The following ATP6V1H variants were observed in gnomAD, a reference collection of about 807,000 sequenced individuals.
ATP6V1H encodes V-type proton ATPase subunit H.
ATP6V1H carries 39 observed loss-of-function variants against 71.7 expected under a neutral mutation model. The observed-to-expected ratio is 0.54, with a 90% CI of 0.42 to 0.71. The LOEUF is 0.71. Ranked by LOEUF, ATP6V1H falls within the 30% of genes least tolerant of loss-of-function variation. The probability of loss-of-function intolerance (pLI) is 0.00; values close to 1 mark genes in which losing one functional copy is unlikely to be tolerated. For missense variants in ATP6V1H, 509 were observed against 594.9 expected, an observed-to-expected ratio of 0.86 and a Z score of 1.50; for synonymous variants, 192 against 199.3, an observed-to-expected ratio of 0.96 and a Z score of 0.31.
chr8:53,737,525 C>G (rs138293834), intron 13 of ATP6V1H, among the ~76,000 whole-genome samples: 635 of 152,270 alleles, frequency 4.2e-3, no homozygotes, highest in South Asian at 8.5e-3. Flanking sequence ...AATGCCTAAC[C>G]CTTAAGGAAA....
At chr8:53,774,310 G>C (rs1808785926) in intron 9 of ATP6V1H, among the ~76,000 whole-genome samples, 1 of 152,186 alleles carries the variant, frequency 6.6e-6, no homozygotes, top group Non-Finnish European at 1.5e-5. Flanking sequence ...AAGAACCAAA[G>C]TGACCCTGGT....
chr8:53,774,173 T>C (rs1808779864), intron 9 of ATP6V1H, among the ~76,000 whole-genome samples: 1 of 152,216 alleles, frequency 6.6e-6, no homozygotes. Flanking sequence ...ACACAAGATG[T>C]CCAGTGAACA....
intron 13 of ATP6V1H, among the ~76,000 whole-genome samples, chr8:53,717,004 C>T (rs1405191578): frequency 6.6e-6 from 1 of 152,162 alleles, no homozygotes; most frequent in Non-Finnish European, 1.5e-5. Context: ...CATGGGGGCT[C>T]TAGGAGGCAC....
At chr8:53,802,359 A>G (rs1361581995) in intron 7 of ATP6V1H, among the ~76,000 whole-genome samples, 1 of 152,224 alleles carries the variant, frequency 6.6e-6, no homozygotes, top group Non-Finnish European at 1.5e-5. Flanking sequence ...AACTTTTTCA[A>G]TATGAAATTT....
At chr8:53,831,311 T>C (rs1030956575) in intron 3 of ATP6V1H, among the ~76,000 whole-genome samples, 1 of 152,270 alleles carries the variant, frequency 6.6e-6, no homozygotes, top group South Asian at 2.1e-4. Context: ...ACCTGTACAG[T>C]CTGTAACTAT....
chr8:53,821,386 AAAG>A (rs1810650108), intron 4 of ATP6V1H, among the ~76,000 whole-genome samples: 1 of 151,490 alleles, frequency 6.6e-6, no homozygotes, highest in African/African-American at 2.4e-5. Context: ...AAAAAAAAAA[AAAG>A]AGAGAGAGAG....
At chr8:53,728,255 C>A (rs1806887239) in intron 13 of ATP6V1H, among the ~76,000 whole-genome samples, 1 of 152,202 alleles carries the variant, frequency 6.6e-6, no homozygotes, top group Non-Finnish European at 1.5e-5. Context: ...ACCCCTTCAG[C>A]CTCCATCCTC....
At chr8:53,722,011 T>TC (rs1393555112) in intron 13 of ATP6V1H, among the ~76,000 whole-genome samples, 1 of 152,232 alleles carries the variant, frequency 6.6e-6, no homozygotes, top group Non-Finnish European at 1.5e-5. Context: ...AGAAATTGCG[T>TC]TAAAGAGTGT....
chr8:53,795,768 A>G lies in ATP6V1H; in HGVS notation c.749T>C (p.Leu250Pro), dbSNP rs776956015. The change falls in exon 9 of 14, where the codon CTG becomes CCG. Residue 250 changes from leucine (L) to proline (P), a missense_variant. Physicochemically the swap from Leu to Pro is moderately conservative, Grantham distance 98 (BLOSUM62 -3). Coordinates refer to ENST00000359530, the MANE Select transcript of ATP6V1H (RefSeq NM_015941.4). ...TTCACACATTTGAGGACTGAATGCC[A>G]GGAGCCATATTGAAAAAATCATTTG... ...QYQMIFSIWL[L>P]AFSPQMCEHL... 6.2e-7 allele frequency: 1 copy of G among 1,614,124 alleles called. No homozygotes were observed. Among genetic ancestry groups the G allele is most frequent in the Non-Finnish European group, 8.5e-7 (1 of 1,179,988 alleles).
intron 2 of ATP6V1H, among the ~76,000 whole-genome samples, chr8:53,838,667 C>T (rs1223123627): frequency 1.3e-5 from 2 of 152,066 alleles, no homozygotes; most frequent in African/African-American, 4.8e-5. Context: ...GGTAGTTTTA[C>T]CAGATTCCAG....
rs1021243430 is a variant in ATP6V1H, at chr8:53,772,128, C to A, written c.910G>T (p.Glu304Ter). The stretch of plus-strand genomic sequence containing the variant: ...CACTGAATCATAGCCAGGGCATATT[C>A]TTGGCGAGTTTCTCTTTCAGTTGAT... ...EKSTERETRQ[E>*]YALAMIQCKV... The change falls in exon 10 of 14, where the codon GAA (glutamate) becomes TAA (stop). Residue 304 changes from glutamate (E) to a stop codon, truncating the protein, a stop_gained. Transcript: ENST00000359530. LOFTEE classifies it high-confidence loss of function. 5 of 1,613,400 alleles carry A rather than the reference C, an allele frequency of 3.1e-6. No homozygotes were observed. Among genetic ancestry groups the A allele is most frequent in the Non-Finnish European group, 4.2e-6 (5 of 1,179,866 alleles).
intron 12 of ATP6V1H, among the ~76,000 whole-genome samples, chr8:53,747,193 T>C (rs1807632097): frequency 1.3e-5 from 2 of 152,356 alleles, no homozygotes; most frequent in African/African-American, 2.4e-5. Flanking sequence ...ATTCTAAACA[T>C]GGCTGTTTAG....
chr8:53,772,344 T>C (rs1808693085), intron 9 of ATP6V1H, among the ~76,000 whole-genome samples, 177 bp from the exon 10 acceptor site: 1 of 152,200 alleles, frequency 6.6e-6, no homozygotes, highest in Admixed American at 6.5e-5. Context: ...CTGTCCCATA[T>C]CAGAAGCCTA....
At chr8:53,750,316 G>C (rs989034659) in intron 12 of ATP6V1H, among the ~76,000 whole-genome samples, 5 of 152,070 alleles carry the variant, frequency 3.3e-5, no homozygotes, top group Admixed American at 1.3e-4. Context: ...AGAGTGAAAA[G>C]GGTTCCACGT....
At chr8:53,830,142 G>A (rs1195848289) in intron 3 of ATP6V1H, among the ~76,000 whole-genome samples, 1 of 152,094 alleles carries the variant, frequency 6.6e-6, no homozygotes. Context: ...TCTAAACTCA[G>A]CATATAAATC....
At chr8:53,798,291 C>T (rs912975135) in intron 8 of ATP6V1H, among the ~76,000 whole-genome samples, 5 of 151,806 alleles carry the variant, frequency 3.3e-5, no homozygotes, top group South Asian at 2.1e-4. Flanking sequence ...TTTGGGAGGC[C>T]GAGGCAGGTG....
At chr8:53,839,714 C>T in intron 2 of ATP6V1H, 1 of 985,446 alleles carries the variant, frequency 1.0e-6, no homozygotes, top group Non-Finnish European at 1.2e-6. Context: ...CCAACACCTA[C>T]AGCTCCTTGG....
In ATP6V1H at chr8:53,775,325, C is replaced by G. The variant is rs113607927; in HGVS notation, c.871-3158G>C. Among the ~76,000 whole-genome samples, 9 of 152,278 alleles carry G rather than the reference C, an allele frequency of 5.9e-5. 1 individual carries two copies. The highest frequency in any genetic ancestry group is 2.2e-4 in the African/African-American group (9 of 41,562). On this transcript the variant is annotated intron_variant, in intron 9 of 13. Transcript: ENST00000359530. ...CAGTAGCAAGATTTATTGCAAAGAG[C>G]GAAAGAACACAGCTCCCACAGTGTG...
At position 53,841,612 on chromosome 8, in the gene ATP6V1H, G is replaced by A. The variant is rs768780507; in HGVS notation, c.79C>T (p.Arg27Cys). 1.2e-6 allele frequency: 2 copies of A among 1,614,090 alleles called. No homozygotes were observed. The highest frequency in any genetic ancestry group is 1.7e-6 in the Non-Finnish European group (2 of 1,179,994). ...GATTGCCAGTTGACTTTGTTTGCAC[G>A]AACTTCTGCAGCCTTGGCAGCAATA... is the stretch of plus-strand genomic sequence containing the variant. Reference protein sequence around the residue: ...NIIAAKAAEVRANKVNWQSYL... With the variant: ...NIIAAKAAEVCANKVNWQSYL... Residue 27 changes from arginine (R) to cysteine (C), a missense_variant, in exon 2 of 14, where the codon CGT becomes TGT. By Grantham distance (180) the Arg-to-Cys change is radical (BLOSUM62 -3). Transcript: ENST00000359530.
Sources: allele counts gnomAD v4.1 joint callset (sites outside exome capture counted in the v4.1 genomes callset), GRCh38; gene constraint gnomAD v4.1.1; transcripts MANE v1.5; gene names NCBI Gene and HGNC (gene_info 2026-07-23, HGNC 2026-07-21).